Variants in MSRA observed in about 807,000 individuals in gnomAD.
MSRA encodes methionine sulfoxide reductase A, also known as mitochondrial peptide methionine sulfoxide reductase.
Under a neutral mutation model 31.3 loss-of-function variants are expected in MSRA, and 54 were observed. The ratio of observed to expected loss-of-function variants is 1.73; its 90% CI spans 1.39 to 2.17. MSRA has a LOEUF of 2.17. MSRA is among the 30% of genes most tolerant of loss of function. The pLI is 0.00. For missense variants in MSRA, 507 were observed against 300.9 expected, an observed-to-expected ratio of 1.69 and a Z score of -5.07; for synonymous variants, 169 against 116.5, an observed-to-expected ratio of 1.45 and a Z score of -2.90.
intron 3 of MSRA, among the ~76,000 whole-genome samples, chr8:10,277,121 A>G (rs956144334): frequency 6.6e-6 from 1 of 152,206 alleles, no homozygotes; most frequent in Non-Finnish European, 1.5e-5. Context: ...AGGAATTAGG[A>G]CGTGTTTTAA....
At chr8:10,300,061 G>A (rs544397756) in intron 3 of MSRA, among the ~76,000 whole-genome samples, 7 of 152,046 alleles carry the variant, frequency 4.6e-5, no homozygotes, top group Non-Finnish European at 1.0e-4. Context: ...GTGACATGGG[G>A]AAGTATTCCC....
intron 1 of MSRA, chr8:10,096,060 T>G: frequency 7.2e-7 from 1 of 1,385,772 alleles, no homozygotes; most frequent in South Asian, 1.7e-5. Context: ...TTTTAGATTT[T>G]ATTTTATTTT....
intron 5 of MSRA, among the ~76,000 whole-genome samples, chr8:10,383,349 AC>A (rs1293204426): frequency 2.0e-5 from 3 of 152,080 alleles, no homozygotes; most frequent in Non-Finnish European, 4.4e-5. Flanking sequence ...GTTCCGGTTC[AC>A]CTCGCACAGG....
chr8:10,427,657 G>A (rs188392989), intron 5 of MSRA, among the ~76,000 whole-genome samples: 12 of 152,172 alleles, frequency 7.9e-5, no homozygotes, highest in African/African-American at 2.2e-4. Flanking sequence ...GGGCAGATGC[G>A]ATAGTGCCAG....
intron 5 of MSRA, among the ~76,000 whole-genome samples, chr8:10,329,308 A>C (rs1802555862): frequency 6.6e-6 from 1 of 152,200 alleles, no homozygotes; most frequent in Non-Finnish European, 1.5e-5. Context: ...CAGGGGCTCC[A>C]GGGAAGAATC....
intron 1 of MSRA, among the ~76,000 whole-genome samples, chr8:10,157,191 A>G (rs545074783): frequency 6.6e-6 from 1 of 152,230 alleles, no homozygotes; most frequent in South Asian, 2.1e-4. Context: ...TTCTAATGGG[A>G]TTACATTTTT....
At chr8:10,329,877 A>T (rs1372279400) in intron 5 of MSRA, among the ~76,000 whole-genome samples, 1 of 151,964 alleles carries the variant, frequency 6.6e-6, no homozygotes, top group African/African-American at 2.4e-5. Context: ...ATCCCCTTTC[A>T]TACATCTCTA....
At chr8:10,299,583 C>T (rs1248395657) in intron 3 of MSRA, among the ~76,000 whole-genome samples, 4 of 151,820 alleles carry the variant, frequency 2.6e-5, no homozygotes. Flanking sequence ...AATAATAACC[C>T]AGTATAAAAG....
At chr8:10,215,667 A>G (rs892508239) in intron 2 of MSRA, among the ~76,000 whole-genome samples, 10 of 152,234 alleles carry the variant, frequency 6.6e-5, no homozygotes, top group African/African-American at 1.9e-4. Flanking sequence ...TAAACTCTCT[A>G]TCAGGCTCAC....
chr8:10,347,145 C>G (rs1332432379), intron 5 of MSRA, among the ~76,000 whole-genome samples: 2 of 152,224 alleles, frequency 1.3e-5, no homozygotes, highest in African/African-American at 4.8e-5. Flanking sequence ...GGTCCAAACA[C>G]TCCTTGAGGG....
intron 3 of MSRA, among the ~76,000 whole-genome samples, chr8:10,287,445 G>T (rs1049791316): frequency 2.0e-5 from 3 of 152,112 alleles, no homozygotes; most frequent in Non-Finnish European, 4.4e-5. Flanking sequence ...CCAATCTAAG[G>T]TATCATCATC....
intron 5 of MSRA, among the ~76,000 whole-genome samples, chr8:10,330,169 T>G (rs1311857442): frequency 6.8e-6 from 1 of 147,490 alleles, no homozygotes; most frequent in African/African-American, 2.5e-5. Context: ...GATAACAAAA[T>G]TTCCCAATAG....
intron 2 of MSRA, among the ~76,000 whole-genome samples, chr8:10,225,273 G>T (rs1306600456): frequency 6.6e-6 from 1 of 152,160 alleles, no homozygotes; most frequent in Non-Finnish European, 1.5e-5. Flanking sequence ...TGAAGTCTCT[G>T]TGACTTTCCT....
At chr8:10,065,497 G>A (rs1002437484) in intron 1 of MSRA, among the ~76,000 whole-genome samples, 1 of 152,236 alleles carries the variant, frequency 6.6e-6, no homozygotes. Flanking sequence ...GATGAGTAGG[G>A]TTATGCAGCT....
intron 1 of MSRA, among the ~76,000 whole-genome samples, chr8:10,169,881 A>T (rs1805447019): frequency 6.7e-6 from 1 of 149,094 alleles, no homozygotes; most frequent in African/African-American, 2.5e-5. Context: ...TTGTTCTTGT[A>T]ACTTTTTTGC....
chr8:10,298,369 C>T (rs1800656252), intron 3 of MSRA, among the ~76,000 whole-genome samples: 1 of 151,978 alleles, frequency 6.6e-6, no homozygotes, highest in Non-Finnish European at 1.5e-5. Flanking sequence ...GTAAGACAGT[C>T]ACAAAAAGAC....
At chr8:10,194,729 A>G (rs887558524) in intron 1 of MSRA, among the ~76,000 whole-genome samples, 3 of 152,054 alleles carry the variant, frequency 2.0e-5, no homozygotes, top group Non-Finnish European at 4.4e-5. Flanking sequence ...CATCTTTGAC[A>G]TTTGTCCTGG....
chr8:10,092,346 T>A (rs9329213), intron 1 of MSRA, among the ~76,000 whole-genome samples: 25,936 of 152,134 alleles, frequency 0.17, 2,815 homozygotes, highest in African/African-American at 0.31. Context: ...TGCTGGAGGA[T>A]GTTCCATATA....
intron 1 of MSRA, among the ~76,000 whole-genome samples, chr8:10,089,932 C>G (rs181187976): frequency 2.2e-4 from 33 of 152,288 alleles, no homozygotes; most frequent in Admixed American, 2.0e-3. Context: ...AGGAGCCGAA[C>G]ACCTTCCACG....
Sources: gnomAD v4.1 joint callset for allele counts (sites outside exome capture counted in the v4.1 genomes callset) on GRCh38, gnomAD v4.1.1 for gene constraint, MANE v1.5 for transcripts, NCBI Gene and HGNC (gene_info 2026-07-23, HGNC 2026-07-21) for gene names.